The following ANKRD28 variants were observed in gnomAD, a reference collection of about 807,000 sequenced individuals.
ANKRD28 encodes serine/threonine-protein phosphatase 6 regulatory ankyrin repeat subunit A.
In ANKRD28, 44 loss-of-function variants were observed where a neutral mutation model predicts 126.5. The ratio of observed to expected loss-of-function variants is 0.35; its 90% CI spans 0.27 to 0.45. The LOEUF (loss-of-function observed/expected upper bound fraction) is 0.45. Ranked by LOEUF, ANKRD28 falls within the 20% of genes least tolerant of loss-of-function variation. The pLI is 1.00. For synonymous variants in ANKRD28, 442 were observed against 468.5 expected, an observed-to-expected ratio of 0.94 and a Z score of 0.73; for missense variants, 1,110 against 1,316.6, an observed-to-expected ratio of 0.84 and a Z score of 2.43.
At chr3:15,804,707 T>C (rs2060539854) in intron 1 of ANKRD28, among the ~76,000 whole-genome samples, 1 of 144,428 alleles carries the variant, frequency 6.9e-6, no homozygotes, top group African/African-American at 2.6e-5. Context: ...CAAGTGGAGG[T>C]GGTTACAGCC....
chr3:15,702,955 C>T (rs1176893751), intron 14 of ANKRD28, among the ~76,000 whole-genome samples: 3 of 152,062 alleles, frequency 2.0e-5, no homozygotes, highest in Non-Finnish European at 4.4e-5. Context: ...ATAGTCGTGA[C>T]AGAGTTTAGA....
chr3:15,830,755 T>C lies in ANKRD28; in HGVS notation c.27+28622A>G, dbSNP rs996521792. Among the ~76,000 whole-genome samples, 4 of 151,818 alleles carry C rather than the reference T, an allele frequency of 2.6e-5. No homozygotes were observed. The highest frequency in any genetic ancestry group is 7.3e-5 in the African/African-American group (3 of 41,336). On this transcript the variant is annotated intron_variant, in intron 1 of 27. Coordinates refer to the ANKRD28 transcript ENST00000399451. The surrounding 1 kb of genome is among the most constrained non-coding windows in gnomAD (Gnocchi z 4.5). ...AATGTCCTGCTTGATAAAGAGTCGTTGTTTACCTGGGGGCTTTGGTCCATG... is the reference window on the plus strand; with the variant it reads ...AATGTCCTGCTTGATAAAGAGTCGTCGTTTACCTGGGGGCTTTGGTCCATG...
intron 17 of ANKRD28, 61 bp downstream of exon 17, chr3:15,694,677 AG>A: frequency 1.4e-6 from 2 of 1,416,080 alleles, no homozygotes; most frequent in Non-Finnish European, 2.0e-6. Context: ...CAACACAAAT[AG>A]GTTATTAGAT....
At position 15,843,887 on chromosome 3, in the gene ANKRD28, A is replaced by C. The variant is rs1266939358; in HGVS notation, c.27+15490T>G. On this transcript the variant is annotated intron_variant, in intron 1 of 27. Transcript: ENST00000399451. This position sits in a 1 kb window ranked among gnomAD's most constrained non-coding sequence, Gnocchi z 5.2. ...CAAGAGGCAGAAGATGGAGATGAAAAGGAGAAGACTGAAAGCGTGTGTACA... is the reference window on the plus strand; with the variant it reads ...CAAGAGGCAGAAGATGGAGATGAAACGGAGAAGACTGAAAGCGTGTGTACA... Among the ~76,000 whole-genome samples, 1 of 152,186 alleles carries C rather than the reference A, an allele frequency of 6.6e-6. No individual in the cohort carries two copies. The highest frequency in any genetic ancestry group is 1.5e-5 in the Non-Finnish European group (1 of 68,028).
intron 4 of ANKRD28, among the ~76,000 whole-genome samples, chr3:15,748,113 C>T (rs759677574): frequency 6.6e-6 from 1 of 152,186 alleles, no homozygotes; most frequent in Non-Finnish European, 1.5e-5. Context: ...CTGAAGACAG[C>T]AGAAACTTGG....
rs756084884 is a variant in ANKRD28 at position 15,690,169 on chromosome 3, C to T, written c.1813G>A (p.Asp605Asn). Residue 605 changes from aspartate (D) to asparagine (N), a missense_variant, in exon 18 of 28, where the codon GAT becomes AAT. Coordinates refer to ENST00000683139, the MANE Select transcript of ANKRD28 (RefSeq NM_001349278.2). Reference protein sequence around the residue: ...ALEVLVQSLLDLDVRNSSGRT... With the variant: ...ALEVLVQSLLNLDVRNSSGRT... ...CCACTACTATTTCTGACATCAAGAT[C>T]TAACAAAGACTGTACCAACACTTCC... The T allele has an allele frequency of 6.2e-7, 1 of 1,608,500 alleles. No individual in the cohort carries two copies. Among genetic ancestry groups the T allele is most frequent in the Non-Finnish European group, 8.5e-7 (1 of 1,177,222 alleles).
chr3:15,820,919 A>C (rs1251885307), intron 1 of ANKRD28, among the ~76,000 whole-genome samples: 1 of 152,188 alleles, frequency 6.6e-6, no homozygotes, highest in Non-Finnish European at 1.5e-5. Context: ...TTAGTCACTA[A>C]ACTTTACAGC....
chr3:15,678,661 A>G (rs2067211673), intron 23 of ANKRD28, among the ~76,000 whole-genome samples: 1 of 152,200 alleles, frequency 6.6e-6, no homozygotes, highest in African/African-American at 2.4e-5. Context: ...TAATCTGAAT[A>G]CCACCACTTA....
intron 1 of ANKRD28, among the ~76,000 whole-genome samples, chr3:15,831,094 T>C (rs1447228675): frequency 2.0e-5 from 3 of 152,210 alleles, no homozygotes; most frequent in African/African-American, 7.2e-5. Context: ...TACCCACTGT[T>C]GGTTTTAATC....
At chr3:15,673,983 C>T (rs951757848) in intron 27 of ANKRD28, among the ~76,000 whole-genome samples, 1 of 151,132 alleles carries the variant, frequency 6.6e-6, no homozygotes, top group African/African-American at 2.4e-5. Flanking sequence ...CAAGACCGGC[C>T]TGGACAATAT....
chr3:15,837,666 T>C (rs1376023486), intron 1 of ANKRD28, among the ~76,000 whole-genome samples: 3 of 152,086 alleles, frequency 2.0e-5, no homozygotes, highest in African/African-American at 7.2e-5. Context: ...GGGAAAATTA[T>C]AGCTGGGCAC....
intron 26 of ANKRD28, chr3:15,676,707 C>T (rs771380700): frequency 3.2e-6 from 1 of 307,978 alleles, no homozygotes; most frequent in Non-Finnish European, 6.1e-6. Flanking sequence ...AATAGTACTA[C>T]TTTCCTTCAG....
In ANKRD28 at chr3:15,720,969, A is replaced by G; in HGVS notation, c.942T>C (p.His314=). The G allele has an allele frequency of 1.2e-6, 2 of 1,613,920 alleles. No individual in the cohort carries two copies. Among genetic ancestry groups the G allele is most frequent in the South Asian group, 2.2e-5 (2 of 91,080 alleles). Residue 314 remains histidine, a synonymous_variant, in exon 8 of 28, where the codon CAT becomes CAC. Transcript: ENST00000683139. Reference sequence around the variant, plus strand: ...CTAGAAGCTCTAAACACAATGCTCCATGTGTTGATGCAGCAGCAAAGTGCA... The same window carrying G: ...CTAGAAGCTCTAAACACAATGCTCCGTGTGTTGATGCAGCAGCAAAGTGCA... ...TPLHFAAAST[H]GALCLELLVG... is the part of the protein sequence containing the mutation.
Position 15,669,934 on chromosome 3 carries a change from A to G in ANKRD28, c.*336T>C, listed in dbSNP as rs913780674. 1.6e-5 allele frequency: 3 copies of G among 189,304 alleles called. No individual in the cohort carries two copies. Among genetic ancestry groups the G allele is most frequent in the African/African-American group, 7.0e-5 (3 of 42,684 alleles). The allele number at this position is 189,304 out of a possible 1,614,324, so 11.7% of individuals were successfully genotyped here. A position where few individuals can be genotyped will look rare whatever the true frequency, so the allele number is the denominator to read the frequency against. On this transcript the variant is annotated 3_prime_UTR_variant, in exon 28 of 28. Coordinates refer to ENST00000683139, the MANE Select transcript of ANKRD28 (RefSeq NM_001349278.2). ...GATAAAATTTAAATCTAGTGTCTTTATTTCTTCTGTTACAATAGTGTTGCT... is the reference window on the plus strand; with the variant it reads ...GATAAAATTTAAATCTAGTGTCTTTGTTTCTTCTGTTACAATAGTGTTGCT...
chr3:15,771,462 A>G (rs539632578), intron 2 of ANKRD28, among the ~76,000 whole-genome samples: 1 of 151,706 alleles, frequency 6.6e-6, no homozygotes, highest in African/African-American at 2.4e-5. Flanking sequence ...TGAGGGCCTC[A>G]GGAAGCTTAC....
chr3:15,678,981 G>C (rs528883950), intron 23 of ANKRD28, among the ~76,000 whole-genome samples: 18 of 152,110 alleles, frequency 1.2e-4, no homozygotes, highest in African/African-American at 3.9e-4. Flanking sequence ...AACCTTTTTG[G>C]GGGGTAGGGC....
Position 15,696,096 on chromosome 3 carries a change from C to A in ANKRD28, c.1659+38G>T, listed in dbSNP as rs746123779. On this transcript the variant is annotated intron_variant, in intron 15 of 27. Coordinates refer to ENST00000683139, the MANE Select transcript of ANKRD28 (RefSeq NM_001349278.2). The stretch of plus-strand genomic sequence containing the variant: ...TTTTGTTACATTATTAGACTATAAA[C>A]TCCCATTAGGTCTTTCACAAGAATT... The A allele has an allele frequency of 3.0e-6, 4 of 1,321,660 alleles. No individual in the cohort carries two copies. In the South Asian group the frequency reaches 5.1e-5, roughly 17 times the overall value. 81.9% of individuals were successfully genotyped at this position (1,321,660 alleles called of 1,614,324 possible). A position where few individuals can be genotyped will look rare whatever the true frequency, so the allele number is the denominator to read the frequency against.
Position 15,814,129 on chromosome 3 carries a change from A to T in ANKRD28, c.28-18823T>A. Reference sequence around the variant, plus strand: ...TTTGGCTGACACTAACTATTTACTCACATACAGTTATGTATGAAAGCTAAG... The same window carrying T: ...TTTGGCTGACACTAACTATTTACTCTCATACAGTTATGTATGAAAGCTAAG... On this transcript the variant is annotated intron_variant, in intron 1 of 27. Coordinates refer to the ANKRD28 transcript ENST00000399451. The surrounding 1 kb of genome is among the most constrained non-coding windows in gnomAD (Gnocchi z 4.7). 2.6e-6 allele frequency: 1 copy of T among 383,142 alleles called. No homozygotes were observed. The highest frequency in any genetic ancestry group is 4.8e-5 in the South Asian group (1 of 20,856). The allele number at this position is 383,142 out of a possible 1,614,324, so 23.7% of individuals were successfully genotyped here.
chr3:15,840,267 A>T (rs1202860977), intron 1 of ANKRD28, among the ~76,000 whole-genome samples: 2 of 152,232 alleles, frequency 1.3e-5, no homozygotes. Context: ...CAATCTGAAA[A>T]AGAAATCAAG....
Sources: allele counts gnomAD v4.1 joint callset (sites outside exome capture counted in the v4.1 genomes callset), GRCh38; gene constraint gnomAD v4.1.1; non-coding constraint Gnocchi (gnomAD v3.1); transcripts MANE v1.5; gene names NCBI Gene and HGNC (gene_info 2026-07-23, HGNC 2026-07-21).